CLDN16: variants seen among roughly 807,000 people sequenced by gnomAD.
CLDN16 encodes the protein claudin 16.
In CLDN16, 13 loss-of-function variants were observed where a neutral mutation model predicts 24.6. The ratio of observed to expected loss-of-function variants is 0.53; its 90% confidence interval spans 0.34 to 0.84. The LOEUF is 0.84. Ranked by LOEUF, CLDN16 falls within the 40% of genes least tolerant of loss-of-function variation. CLDN16 has a pLI of 0.01. For missense variants in CLDN16, 298 were observed against 292.7 expected, an observed-to-expected ratio of 1.02 and a Z score of -0.13; for synonymous variants, 116 against 106.7, an observed-to-expected ratio of 1.09 and a Z score of -0.54.
At chr3:190,360,072 T>C (rs533560918) in intron 1 of CLDN16, among the ~76,000 whole-genome samples, 28 of 151,864 alleles carry the variant, frequency 1.8e-4, no homozygotes, top group South Asian at 6.2e-4. Flanking sequence ...CTTTAAACTG[T>C]AGAATGAAAA....
intron 1 of CLDN16, among the ~76,000 whole-genome samples, chr3:190,323,562 TG>T (rs1716992400): frequency 6.6e-6 from 1 of 152,056 alleles, no homozygotes; most frequent in African/African-American, 2.4e-5. Context: ...GTGGTGCGAG[TG>T]TGGTGGGAGG....
At chr3:190,328,824 A>C (rs965666238) in intron 1 of CLDN16, among the ~76,000 whole-genome samples, 61 of 152,232 alleles carry the variant, frequency 4.0e-4, no homozygotes, top group African/African-American at 1.3e-3. Flanking sequence ...TGAAAAATTG[A>C]AAGATTTCCC....
chr3:190,387,362 G>GTTT (rs11391446), upstream of CLDN16, among the ~76,000 whole-genome samples: 1 of 151,086 alleles, frequency 6.6e-6, no homozygotes, highest in Non-Finnish European at 1.5e-5. Context: ...TAATATAACA[G>GTTT]TTTTTTTTTC....
chr3:190,349,988 G>A (rs190093282), intron 1 of CLDN16, among the ~76,000 whole-genome samples: 1 of 152,254 alleles, frequency 6.6e-6, no homozygotes, highest in East Asian at 1.9e-4. Flanking sequence ...GGGTGGTTTG[G>A]TACAGAGAAA....
intron 1 of CLDN16, among the ~76,000 whole-genome samples, chr3:190,323,237 A>G (rs907429849): frequency 6.6e-6 from 1 of 152,184 alleles, no homozygotes; most frequent in African/African-American, 2.4e-5. Flanking sequence ...GCAGCAATTC[A>G]TTATCAGAGG....
rs1020892149 is a variant in CLDN16, at chr3:190,388,745, C to T, written c.114+302C>T. On this transcript the variant is annotated intron_variant, in intron 1 of 4. Transcript: ENST00000264734. ...TGCTACTGAGACCTCCAGAAATTCA[C>T]GTCTTCCATTGCTGCATATATCATA... is the stretch of plus-strand genomic sequence containing the variant. 5.3e-5 allele frequency among the ~76,000 whole-genome samples: 8 copies of T among 152,164 alleles called. No homozygotes were observed. The East Asian group carries it at 7.7e-4, about 15-fold the overall frequency.
At chr3:190,335,031 T>C (rs1717268307) in intron 1 of CLDN16, among the ~76,000 whole-genome samples, 1 of 114,494 alleles carries the variant, frequency 8.7e-6, no homozygotes. Context: ...TTCTTTTTTT[T>C]TTTTTTTGTT....
At chr3:190,402,108 C>G (rs948504018) in intron 1 of CLDN16, among the ~76,000 whole-genome samples, 1 of 152,104 alleles carries the variant, frequency 6.6e-6, no homozygotes, top group Non-Finnish European at 1.5e-5. Context: ...TTCTCTACCC[C>G]CACCCTTCAT....
At chr3:190,394,822 G>C (rs1044476717) in intron 1 of CLDN16, among the ~76,000 whole-genome samples, 1 of 151,886 alleles carries the variant, frequency 6.6e-6, no homozygotes, top group Non-Finnish European at 1.5e-5. Context: ...GCAAGATTTC[G>C]TATCTTGCTA....
intron 2 of CLDN16, among the ~76,000 whole-genome samples, chr3:190,372,799 G>A (rs1718169538): frequency 1.3e-5 from 2 of 151,812 alleles, no homozygotes; most frequent in African/African-American, 2.4e-5. Flanking sequence ...TTTGTCAAAG[G>A]CCTTCTTTAA....
intron 3 of CLDN16, among the ~76,000 whole-genome samples, chr3:190,406,570 C>T (rs942600063): frequency 6.6e-5 from 10 of 151,968 alleles, no homozygotes; most frequent in Non-Finnish European, 1.5e-5. Context: ...ATGTCCTAAG[C>T]TTTGGAAACT....
chr3:190,387,645 C>T (rs1718538371), upstream of CLDN16, among the ~76,000 whole-genome samples: 1 of 152,124 alleles, frequency 6.6e-6, no homozygotes, highest in Non-Finnish European at 1.5e-5. Context: ...TTAAAATGCA[C>T]ACTTGTTCCC....
chr3:190,313,139 C>A, the CLDN16 span: 1 of 1,358,344 alleles, frequency 7.4e-7, no homozygotes. Context: ...AGAGAGAAAA[C>A]TGGACTAGGA....
At chr3:190,349,534 G>T (rs563273047) in intron 1 of CLDN16, among the ~76,000 whole-genome samples, 2 of 152,082 alleles carry the variant, frequency 1.3e-5, no homozygotes, top group Non-Finnish European at 2.9e-5. Context: ...TTTCATCAAT[G>T]GTCATGTCTT....
chr3:190,372,330 CACAA>C (rs375667268), intron 2 of CLDN16, among the ~76,000 whole-genome samples: 107 of 151,952 alleles, frequency 7.0e-4, no homozygotes, highest in African/African-American at 2.5e-3. Context: ...CCAGTTTCCT[CACAA>C]ACAAACCAAA....
upstream of CLDN16, chr3:190,322,487 G>C (rs1406833577): frequency 2.2e-6 from 1 of 454,178 alleles, no homozygotes; most frequent in African/African-American, 2.0e-5. Flanking sequence ...AGCTCCGCCC[G>C]CCTCAGCCCC....
At chr3:190,340,827 C>G (rs753281909) in intron 1 of CLDN16, among the ~76,000 whole-genome samples, 3 of 152,158 alleles carry the variant, frequency 2.0e-5, no homozygotes, top group Non-Finnish European at 4.4e-5. Flanking sequence ...AATGGGGGTA[C>G]AGGAATTGGG....
At chr3:190,377,868 C>A (rs188503210) in intron 3 of CLDN16, among the ~76,000 whole-genome samples, 30 of 151,952 alleles carry the variant, frequency 2.0e-4, no homozygotes, top group Admixed American at 3.9e-4. Flanking sequence ...TGCCTGCAAC[C>A]TTATTTATTC....
chr3:190,363,880 T>C (rs1266156364), intron 1 of CLDN16, among the ~76,000 whole-genome samples: 1 of 150,704 alleles, frequency 6.6e-6, no homozygotes, highest in Non-Finnish European at 1.5e-5. Context: ...TCCAGACTTC[T>C]GATCATTTTC....
Sources: gnomAD v4.1 joint callset for allele counts (sites outside exome capture counted in the v4.1 genomes callset) on GRCh38, gnomAD v4.1.1 for gene constraint, MANE v1.5 for transcripts, NCBI Gene and HGNC (gene_info 2026-07-23, HGNC 2026-07-21) for gene names.